PITPNM2: variants seen among roughly 807,000 people sequenced by gnomAD.
PITPNM2 encodes the protein membrane-associated phosphatidylinositol transfer protein 2.
Under a neutral mutation model 132.2 loss-of-function variants are expected in PITPNM2, and 35 were observed. That is an observed-to-expected ratio of 0.26 (90% CI 0.20 to 0.35). The LOEUF (loss-of-function observed/expected upper bound fraction) is 0.35. Ranked by LOEUF, PITPNM2 falls within the 10% of genes least tolerant of loss-of-function variation. The pLI is 1.00. For synonymous variants in PITPNM2, 738 were observed against 799.2 expected, an observed-to-expected ratio of 0.92 and a Z score of 1.29; for missense variants, 1,332 against 1,912.0, an observed-to-expected ratio of 0.70 and a Z score of 5.66.
At position 123,005,217 on chromosome 12, in the gene PITPNM2, T is replaced by C; in HGVS notation, c.952+23A>G. ...TGAGGGGAGGGACCTTGAGTGTGGG[T>C]GGCAGGTGGCGCAGGGCCTTACCTC... On this transcript the variant is annotated intron_variant, in intron 7 of 25. Transcript: ENST00000320201. This position sits in a 1 kb window ranked among gnomAD's most constrained non-coding sequence, Gnocchi z 6.2. The C allele has an allele frequency of 6.3e-7, 1 of 1,598,346 alleles. No homozygotes were observed. The highest frequency in any genetic ancestry group is 2.2e-5 in the East Asian group (1 of 44,626).
intron 2 of PITPNM2, among the ~76,000 whole-genome samples, chr12:123,056,595 G>A (rs999844167): frequency 6.6e-6 from 1 of 152,170 alleles, no homozygotes; most frequent in Admixed American, 6.5e-5. Context: ...TGCCGGACAC[G>A]AAGAGGGAAA....
intron 2 of PITPNM2, among the ~76,000 whole-genome samples, chr12:123,051,200 T>C (rs183049030): frequency 3.3e-4 from 50 of 152,248 alleles, no homozygotes; most frequent in Admixed American, 5.2e-4. Context: ...ATGACCAAGG[T>C]TGGGGAGGAG....
Position 122,986,521 on chromosome 12 carries a change from A to ACGT in PITPNM2, c.3638_3640dup (p.Asp1213dup). 1 of 1,598,332 alleles carries ACGT rather than the reference A, an allele frequency of 6.3e-7. No homozygotes were observed. The highest frequency in any genetic ancestry group is 8.5e-7 in the Non-Finnish European group (1 of 1,171,778). ...CAGGCTAATGGCGCTGTACACCGCC[A>ACGT]CGTCCTTGGTGGAGCCATAGGCCGC... On this transcript the variant is annotated inframe_insertion, in exon 25 of 26. Transcript: ENST00000320201.
At chr12:123,128,521 A>AG (rs1187494901) in intron 1 of PITPNM2, among the ~76,000 whole-genome samples, 2 of 149,048 alleles carry the variant, frequency 1.3e-5, no homozygotes, top group East Asian at 2.0e-4. Flanking sequence ...TGGGAGGCTG[A>AG]GGGGGGCAAA....
intron 2 of PITPNM2, among the ~76,000 whole-genome samples, chr12:123,039,216 G>A (rs1016550006): frequency 3.3e-5 from 5 of 152,110 alleles, no homozygotes; most frequent in African/African-American, 4.8e-5. Flanking sequence ...CCATGTTTGC[G>A]CTACTGCACT....
intron 2 of PITPNM2, among the ~76,000 whole-genome samples, chr12:123,044,834 T>C (rs183295589): frequency 1.3e-5 from 2 of 152,192 alleles, no homozygotes; most frequent in African/African-American, 2.4e-5. Flanking sequence ...CCAGGCTAGA[T>C]AGAACACAGT....
At chr12:123,025,919 G>A (rs1002321878) in intron 3 of PITPNM2, among the ~76,000 whole-genome samples, 7 of 152,268 alleles carry the variant, frequency 4.6e-5, no homozygotes, top group African/African-American at 1.4e-4. Flanking sequence ...CAGATGAGAC[G>A]ATCGAGGCTA....
intron 2 of PITPNM2, chr12:123,087,228 A>G (rs545180746): frequency 6.6e-5 from 10 of 152,148 alleles, no homozygotes; most frequent in South Asian, 4.2e-4. Flanking sequence ...ATTTCCCTCA[A>G]TGAAACCTTC....
At position 123,022,287 on chromosome 12, in the gene PITPNM2, C is replaced by G. The variant is rs1226548307; in HGVS notation, c.79-8245G>C. Among the ~76,000 whole-genome samples, 1 of 152,148 alleles carries G rather than the reference C, an allele frequency of 6.6e-6. No individual in the cohort carries two copies. Among genetic ancestry groups the G allele is most frequent in the African/African-American group, 2.4e-5 (1 of 41,410 alleles). On this transcript the variant is annotated intron_variant, in intron 3 of 25. Coordinates refer to ENST00000320201, the MANE Select transcript of PITPNM2 (RefSeq NM_020845.3). This position sits in a 1 kb window ranked among gnomAD's most constrained non-coding sequence, Gnocchi z 4.9. Reference sequence around the variant, plus strand: ...GTGCAGCTGGGTCTCAGCTGTGCCTCTGATCAGGATGCGGCTGCGGAGGAA... The same window carrying G: ...GTGCAGCTGGGTCTCAGCTGTGCCTGTGATCAGGATGCGGCTGCGGAGGAA...
rs73413271 is a variant in PITPNM2, at chr12:123,124,963, A to T, written c.-199-14475T>A. Among the ~76,000 whole-genome samples, 1,023 of 152,002 alleles carry T rather than the reference A, an allele frequency of 6.7e-3. 14 individuals are homozygous for T. Among genetic ancestry groups the T allele is most frequent in the African/African-American group, 0.022 (921 of 41,464 alleles). On this transcript the variant is annotated intron_variant, in intron 1 of 25. Transcript: ENST00000320201. ...GCCTTTTCAATGTTTCGTTAAAAAA[A>T]TTTTTTTTATTTTGAGACAGAGTCT...
In PITPNM2 at chr12:123,049,788, C is replaced by G. The variant is rs560688497; in HGVS notation, c.-95-15103G>C. Among the ~76,000 whole-genome samples, 5 of 152,334 alleles carry G rather than the reference C, an allele frequency of 3.3e-5. No individual in the cohort carries two copies. The East Asian group carries it at 9.6e-4, about 29-fold the overall frequency. On this transcript the variant is annotated intron_variant, in intron 2 of 25. Transcript: ENST00000320201. Reference sequence around the variant, plus strand: ...CCCAGTAGATAATCCTAGAATGGTGCCTGCACAAAAGAGAAAAAGATAACA... The same window carrying G: ...CCCAGTAGATAATCCTAGAATGGTGGCTGCACAAAAGAGAAAAAGATAACA...
At chr12:123,056,078 A>G (rs2136702907) in intron 2 of PITPNM2, among the ~76,000 whole-genome samples, 1 of 152,284 alleles carries the variant, frequency 6.6e-6, no homozygotes, top group African/African-American at 2.4e-5. Context: ...AACACTGCCC[A>G]GTCCCAAGCC....
intron 17 of PITPNM2, 31 bp from the exon 18 acceptor site, chr12:122,989,979 C>T (rs1009786645): frequency 4.6e-6 from 6 of 1,297,576 alleles, no homozygotes; most frequent in African/African-American, 1.5e-5. Context: ...ATGGCTCAGC[C>T]ACGCGGGGAT....
At chr12:123,113,138 C>G (rs566446402) in intron 1 of PITPNM2, among the ~76,000 whole-genome samples, 2 of 152,380 alleles carry the variant, frequency 1.3e-5, no homozygotes, top group African/African-American at 2.4e-5. Flanking sequence ...GACGTCCACA[C>G]GTCTCAGGCT....
intron 1 of PITPNM2, among the ~76,000 whole-genome samples, chr12:123,114,926 T>A (rs535648344): frequency 1.2e-4 from 18 of 152,272 alleles, no homozygotes; most frequent in African/African-American, 4.1e-4. Flanking sequence ...CCAGGCACAG[T>A]TACGGTGTAG....
chr12:123,123,663 A>T (rs1314442579), intron 1 of PITPNM2, among the ~76,000 whole-genome samples: 1 of 152,108 alleles, frequency 6.6e-6, no homozygotes, highest in African/African-American at 2.4e-5. Context: ...GGCCGGGAGC[A>T]TTGGCTCATG....
chr12:122,993,122 T>C lies in PITPNM2; in HGVS notation c.2234-453A>G, dbSNP rs568461208. Among the ~76,000 whole-genome samples, 49 of 152,260 alleles carry C rather than the reference T, an allele frequency of 3.2e-4. No individual in the cohort carries two copies. Among genetic ancestry groups the C allele is most frequent in the African/African-American group, 1.2e-3 (48 of 41,546 alleles). ...GATTACAGGCGTGAGCCACCACGCCTGACCTCTAATTTTTTTTCATTGCAA... is the reference window on the plus strand; with the variant it reads ...GATTACAGGCGTGAGCCACCACGCCCGACCTCTAATTTTTTTTCATTGCAA... On this transcript the variant is annotated intron_variant, in intron 15 of 25. Transcript: ENST00000320201. This position sits in a 1 kb window ranked among gnomAD's most constrained non-coding sequence, Gnocchi z 5.2.
At chr12:123,018,783 T>C (rs1451498299) in intron 3 of PITPNM2, among the ~76,000 whole-genome samples, 1 of 115,852 alleles carries the variant, frequency 8.6e-6, no homozygotes, top group Non-Finnish European at 1.7e-5. Context: ...TTTCCTTTCC[T>C]TTTTTTTTTT....
intron 1 of PITPNM2, among the ~76,000 whole-genome samples, chr12:123,136,892 CA>C: frequency 6.6e-6 from 1 of 151,768 alleles, no homozygotes; most frequent in South Asian, 2.1e-4. Context: ...GACTCCGTCT[CA>C]AAAAAAATAA....
Sources: allele counts gnomAD v4.1 joint callset (sites outside exome capture counted in the v4.1 genomes callset), GRCh38; gene constraint gnomAD v4.1.1; non-coding constraint Gnocchi (gnomAD v3.1); transcripts MANE v1.5; gene names NCBI Gene and HGNC (gene_info 2026-07-23, HGNC 2026-07-21).